Variants in TMEM43 observed in about 807,000 individuals in gnomAD.
TMEM43 encodes the protein transmembrane protein 43, also known as arrhythmogenic right ventricular dysplasia 5.
TMEM43 carries 45 observed loss-of-function variants against 49.6 expected under a neutral mutation model. That is an observed-to-expected ratio of 0.91 (90% CI 0.71 to 1.16). TMEM43 has a LOEUF of 1.16. Among genes scored for constraint, TMEM43 ranks in the 50% most tolerant of loss-of-function variants. The pLI is 0.00. For missense variants in TMEM43, 532 were observed against 516.6 expected (o/e 1.03, Z -0.29); for synonymous variants, 199 against 207.8 (o/e 0.96, Z 0.36).
chr3:14,132,257 G>A (rs1488717195), intron 4 of TMEM43, among the ~76,000 whole-genome samples: 1 of 152,204 alleles, frequency 6.6e-6, no homozygotes, highest in African/African-American at 2.4e-5. Context: ...GATGCAGCCA[G>A]ATCTCTGAGC....
chr3:14,125,881 A>G (rs760182101), intron 1 of TMEM43, among the ~76,000 whole-genome samples: 7 of 152,094 alleles, frequency 4.6e-5, no homozygotes, highest in Non-Finnish European at 1.0e-4. Context: ...CTTTCTCGGG[A>G]AACTATTTAA....
chr3:14,138,400 A>G (rs546703476), intron 10 of TMEM43, among the ~76,000 whole-genome samples: 37 of 152,204 alleles, frequency 2.4e-4, no homozygotes, highest in Non-Finnish European at 4.4e-4. Context: ...CTGCGGGCAG[A>G]CAGTGGTAAG....
At chr3:14,133,689 G>A (rs780101544) in intron 6 of TMEM43, 50 bp from the exon 7 acceptor site, 1 of 1,576,558 alleles carries the variant, frequency 6.3e-7, no homozygotes, top group Non-Finnish European at 8.7e-7. Context: ...AAGGGACCCG[G>A]GCAGCTCCCA....
At chr3:14,135,407 C>T (rs1695155782) in intron 9 of TMEM43, among the ~76,000 whole-genome samples, 175 bp downstream of exon 9, 1 of 152,170 alleles carries the variant, frequency 6.6e-6, no homozygotes, top group South Asian at 2.1e-4. Context: ...TCCCATGTCC[C>T]CACAGCCATC....
At chr3:14,141,524 C>G in intron 11 of TMEM43, 69 bp from the exon 12 acceptor site, 1 of 1,438,758 alleles carries the variant, frequency 7.0e-7, no homozygotes, top group Non-Finnish European at 9.8e-7. Context: ...CATCTAGGGA[C>G]AGGAGAGATC....
intron 1 of TMEM43, 106 bp downstream of exon 1, chr3:14,125,311 C>T (rs903243400): frequency 1.4e-5 from 19 of 1,370,574 alleles, no homozygotes; most frequent in African/African-American, 8.6e-5. Flanking sequence ...CTCCTCCGTG[C>T]GGCTAGGCCC....
chr3:14,139,353 T>C (rs1695219726), intron 11 of TMEM43, 56 bp downstream of exon 11: 3 of 1,237,736 alleles, frequency 2.4e-6, no homozygotes, highest in African/African-American at 3.0e-5. Flanking sequence ...GGGCCTCCTC[T>C]GCCTGTCGCA....
rs751726505 is a variant in TMEM43, at chr3:14,129,409, C to T, written c.13-3C>T. 6 of 1,599,372 alleles carry T rather than the reference C, an allele frequency of 3.8e-6. No individual in the cohort carries two copies. Among genetic ancestry groups the T allele is most frequent in the East Asian group, 2.3e-5 (1 of 44,122 alleles). ...CATTCTGTTACTGTTTCTTTTTCTT[C>T]AGTATTCCAGTACCAGTACCCGGAG... is the stretch of plus-strand genomic sequence containing the variant. On this transcript the variant is annotated splice_polypyrimidine_tract_variant and splice_region_variant and intron_variant, in intron 1 of 11. Transcript: ENST00000306077.
chr3:14,134,911 C>T lies in TMEM43; in HGVS notation c.705+20C>T. On this transcript the variant is annotated intron_variant, in intron 8 of 11. Transcript: ENST00000306077. ...CCAGAGGTGTGCGGAGAGGCCTGGG[C>T]TCTCCAAATAGGAGGGTCAGGGCGC... 1 of 1,614,004 alleles carries T rather than the reference C, an allele frequency of 6.2e-7. No homozygotes were observed. Among genetic ancestry groups the T allele is most frequent in the Non-Finnish European group, 8.5e-7 (1 of 1,179,954 alleles).
intron 1 of TMEM43, 70 bp from the exon 2 acceptor site, chr3:14,129,342 T>C (rs1281218345): frequency 1.2e-6 from 1 of 806,590 alleles, no homozygotes. Flanking sequence ...AAATTGAGTA[T>C]AAATAAATAG....
intron 4 of TMEM43, 49 bp from the exon 5 acceptor site, chr3:14,132,497 G>C: frequency 6.2e-7 from 1 of 1,608,646 alleles, no homozygotes; most frequent in South Asian, 1.1e-5. Context: ...AGATTAGACT[G>C]CCTGGGGCGA....
At position 14,133,619 on chromosome 3, in the gene TMEM43, G is replaced by C. The variant is rs569490084; in HGVS notation, c.513-120G>C. ...ACAGGACAAGATGTCTGCTGCGCCT[G>C]GGCTAATCTGGACTTGCAGGAACCC... On this transcript the variant is annotated intron_variant, in intron 6 of 11. Coordinates refer to ENST00000306077, the MANE Select transcript of TMEM43 (RefSeq NM_024334.3). 8.0e-5 allele frequency: 72 copies of C among 896,884 alleles called. No homozygotes were observed. The African/African-American group carries it at 1.0e-3, about 13-fold the overall frequency. 55.6% of individuals were successfully genotyped at this position (896,884 alleles called of 1,614,324 possible).
chr3:14,135,805 A>G lies in TMEM43; in HGVS notation c.781-2A>G, dbSNP rs1198392753. ...AGCTCTAACACCAGGTCCTCTGACC[A>G]GGTCACTGTGATTGCCCGGCAGCGG... is the stretch of plus-strand genomic sequence containing the variant. On this transcript the variant is annotated splice_acceptor_variant, in intron 9 of 11. Transcript: ENST00000306077. LOFTEE classifies it high-confidence loss of function. 1.9e-6 allele frequency: 3 copies of G among 1,612,336 alleles called. No homozygotes were observed. The African/African-American group carries it at 4.0e-5, about 21-fold the overall frequency.
intron 4 of TMEM43, among the ~76,000 whole-genome samples, chr3:14,131,970 GATCAGCAT>G (rs988767307): frequency 3.9e-5 from 6 of 152,096 alleles, no homozygotes; most frequent in African/African-American, 1.4e-4. Context: ...CTGTCATTAG[GATCAGCAT>G]GTCAACCCCG....
chr3:14,129,589 G>A, intron 2 of TMEM43, 28 bp downstream of exon 2: 3 of 1,613,534 alleles, frequency 1.9e-6, no homozygotes, highest in Non-Finnish European at 2.5e-6. Context: ...TTCCTGTGCA[G>A]AGTGAGAGTC....
At chr3:14,132,791 G>A (rs1695114421) in intron 5 of TMEM43, 75 bp from the exon 6 acceptor site, 3 of 1,480,784 alleles carry the variant, frequency 2.0e-6, no homozygotes, top group Non-Finnish European at 1.9e-6. Flanking sequence ...TGTGAGATAG[G>A]AGGAGCTGGG....
intron 11 of TMEM43, 117 bp from the exon 12 acceptor site, chr3:14,141,476 C>T: frequency 6.0e-6 from 6 of 991,936 alleles, no homozygotes; most frequent in Non-Finnish European, 9.4e-6. Flanking sequence ...CACTGATCCT[C>T]TCCCCTCCTC....
At chr3:14,136,517 C>T (rs1695172083) in intron 10 of TMEM43, among the ~76,000 whole-genome samples, 1 of 152,130 alleles carries the variant, frequency 6.6e-6, no homozygotes, top group Non-Finnish European at 1.5e-5. Flanking sequence ...AGTAGAACAT[C>T]CGTTTCTGCA....
Position 14,139,237 on chromosome 3 carries a change from G to C in TMEM43, c.940G>C (p.Ala314Pro), listed in dbSNP as rs1431861933. The change falls in exon 11 of 12, where the codon GCT becomes CCT. Residue 314 changes from alanine (A) to proline (P), a missense_variant. By Grantham distance (27) the Ala-to-Pro change is conservative (BLOSUM62 -1). Transcript: ENST00000306077. ...CATGAAGACCTGGGGCCTGCGGGCAGCTGGCTGGATGGCCATGTTCATGGG... is the reference window on the plus strand; with the variant it reads ...CATGAAGACCTGGGGCCTGCGGGCACCTGGCTGGATGGCCATGTTCATGGG... ...NSMKTWGLRAAGWMAMFMGLN... is the reference protein window; with the variant it reads ...NSMKTWGLRAPGWMAMFMGLN... 5 of 1,614,130 alleles carry C rather than the reference G, an allele frequency of 3.1e-6. No individual in the cohort carries two copies. The African/African-American group carries it at 6.7e-5, about 22-fold the overall frequency.
Sources: allele counts gnomAD v4.1 joint callset (sites outside exome capture counted in the v4.1 genomes callset), GRCh38; gene constraint gnomAD v4.1.1; transcripts MANE v1.5; gene names NCBI Gene and HGNC (gene_info 2026-07-23, HGNC 2026-07-21).